Variants in PCDH9 observed in about 807,000 individuals in gnomAD.
The protein encoded by PCDH9 is protocadherin-9.
In PCDH9, 24 loss-of-function variants were observed where a neutral mutation model predicts 70.6. The ratio of observed to expected loss-of-function variants is 0.34; its 90% CI spans 0.25 to 0.48. PCDH9 has a LOEUF of 0.48. Among genes scored for constraint, PCDH9 ranks in the 20% least tolerant of loss-of-function variants. PCDH9 has a pLI of 0.99. For missense variants in PCDH9, 1,281 were observed against 1,503.6 expected (o/e 0.85, Z 2.45); for synonymous variants, 562 against 558.5 (o/e 1.01, Z -0.09).
intron 2 of PCDH9, among the ~76,000 whole-genome samples, chr13:67,063,741 G>A (rs1017259281): frequency 2.0e-5 from 3 of 152,090 alleles, no homozygotes; most frequent in Non-Finnish European, 4.4e-5. Context: ...TAATGACATA[G>A]AGCTAAGACA....
intron 3 of PCDH9, among the ~76,000 whole-genome samples, chr13:66,649,539 C>T (rs2077820723): frequency 6.6e-6 from 1 of 152,012 alleles, no homozygotes; most frequent in Admixed American, 6.6e-5. Context: ...CAACACCAGA[C>T]CTGCCCTAAA....
chr13:66,834,890 A>G (rs1164623752), intron 3 of PCDH9, among the ~76,000 whole-genome samples: 1 of 152,244 alleles, frequency 6.6e-6, no homozygotes, highest in Non-Finnish European at 1.5e-5. Flanking sequence ...TATGTTTAAG[A>G]GAATGCTCTC....
intron 4 of PCDH9, among the ~76,000 whole-genome samples, chr13:66,595,128 G>T (rs1478416919): frequency 6.6e-6 from 1 of 151,396 alleles, no homozygotes; most frequent in Non-Finnish European, 1.5e-5. Flanking sequence ...TCAGCTTAAT[G>T]GCTCAGGGAT....
At chr13:66,383,401 G>A (rs9529055) in intron 4 of PCDH9, among the ~76,000 whole-genome samples, 64,622 of 151,930 alleles carry the variant, frequency 0.43, 15,746 homozygotes, top group East Asian at 0.63. Flanking sequence ...GCTCAGAAAC[G>A]TATCTCCTCC....
intron 3 of PCDH9, among the ~76,000 whole-genome samples, chr13:66,765,010 CTG>C (rs1280124175): frequency 6.6e-6 from 1 of 151,644 alleles, no homozygotes; most frequent in Non-Finnish European, 1.5e-5. Flanking sequence ...GTCTCTCTCT[CTG>C]TCTCTTTCTC....
intron 4 of PCDH9, among the ~76,000 whole-genome samples, chr13:66,408,491 C>A (rs1957320294): frequency 6.6e-6 from 1 of 152,240 alleles, no homozygotes. Flanking sequence ...CACATGGATA[C>A]ATTTTGGCTT....
At chr13:67,130,115 A>G (rs1298636373) in intron 2 of PCDH9, among the ~76,000 whole-genome samples, 1 of 152,160 alleles carries the variant, frequency 6.6e-6, no homozygotes, top group East Asian at 1.9e-4. Context: ...AAAATTAAAT[A>G]TTAAAACCTT....
intron 4 of PCDH9, among the ~76,000 whole-genome samples, chr13:66,512,957 T>G (rs1407768687): frequency 6.6e-6 from 1 of 151,944 alleles, no homozygotes; most frequent in Non-Finnish European, 1.5e-5. Flanking sequence ...GCCTCCCACA[T>G]AGCTGGGACT....
intron 2 of PCDH9, among the ~76,000 whole-genome samples, chr13:67,192,393 A>C (rs1339996411): frequency 6.6e-6 from 1 of 152,140 alleles, no homozygotes; most frequent in Non-Finnish European, 1.5e-5. Flanking sequence ...CTCTCTTCTA[A>C]AGGTTTCTCT....
At chr13:67,033,903 G>A (rs947119282) in intron 2 of PCDH9, among the ~76,000 whole-genome samples, 15 of 152,212 alleles carry the variant, frequency 9.9e-5, no homozygotes, top group African/African-American at 3.6e-4. Context: ...CAGTGAGGAT[G>A]AGGAAGAGAT....
chr13:66,882,180 T>C (rs776693070), intron 3 of PCDH9, among the ~76,000 whole-genome samples: 16 of 152,348 alleles, frequency 1.1e-4, no homozygotes, highest in African/African-American at 3.8e-4. Context: ...TTATCTCATG[T>C]GCCATGGAGA....
At chr13:66,449,128 C>T (rs1253714091) in intron 4 of PCDH9, among the ~76,000 whole-genome samples, 1 of 152,106 alleles carries the variant, frequency 6.6e-6, no homozygotes, top group African/African-American at 2.4e-5. Context: ...AAAACACTGA[C>T]TGGAACCAAA....
chr13:67,164,201 A>C (rs945261029), intron 2 of PCDH9, among the ~76,000 whole-genome samples: 2 of 152,220 alleles, frequency 1.3e-5, no homozygotes, highest in Non-Finnish European at 2.9e-5. Flanking sequence ...TCTTAAAATA[A>C]CACAAATATA....
chr13:67,159,061 G>T (rs886476051), intron 2 of PCDH9, among the ~76,000 whole-genome samples: 14 of 152,150 alleles, frequency 9.2e-5, no homozygotes, highest in African/African-American at 3.4e-4. Flanking sequence ...CATAAAAGGA[G>T]ATGCTATTAT....
At chr13:66,895,591 A>C (rs529684204) in intron 3 of PCDH9, among the ~76,000 whole-genome samples, 18 of 152,214 alleles carry the variant, frequency 1.2e-4, no homozygotes, top group Non-Finnish European at 2.2e-4. Flanking sequence ...TGAAAACTCC[A>C]CACACCTACA....
intron 2 of PCDH9, among the ~76,000 whole-genome samples, chr13:67,039,886 C>T (rs1390268318): frequency 6.6e-6 from 1 of 151,984 alleles, no homozygotes; most frequent in Non-Finnish European, 1.5e-5. Flanking sequence ...AGACTAAGAA[C>T]TTCATTTGTG....
intron 2 of PCDH9, among the ~76,000 whole-genome samples, chr13:67,040,263 T>C (rs191555744): frequency 1.1e-4 from 16 of 152,214 alleles, no homozygotes; most frequent in African/African-American, 3.8e-4. Flanking sequence ...CTTTGGGAGA[T>C]GATTTATTCT....
intron 3 of PCDH9, among the ~76,000 whole-genome samples, chr13:66,869,869 G>A (rs1241466413): frequency 2.6e-5 from 4 of 152,114 alleles, no homozygotes; most frequent in Non-Finnish European, 5.9e-5. Context: ...AATATTTTGG[G>A]ATGGAAGGAA....
At position 66,627,683 on chromosome 13, in the gene PCDH9, G is replaced by A. The variant is rs145008318; in HGVS notation, c.3340+3527C>T. Among the ~76,000 whole-genome samples the A allele has an allele frequency of 8.7e-3, 1,328 of 152,242 alleles. 24 individuals are homozygous for A. The highest frequency in any genetic ancestry group is 0.03 in the African/African-American group (1,241 of 41,550). On this transcript the variant is annotated intron_variant, in intron 4 of 4. Transcript: ENST00000377865. ...GCCCTGCTCTCTCCAGTTTAAAGACGTTTTAGTGATCATTATTCTTGTGAG... is the reference window on the plus strand; with the variant it reads ...GCCCTGCTCTCTCCAGTTTAAAGACATTTTAGTGATCATTATTCTTGTGAG...
Sources: gnomAD v4.1 joint callset for allele counts (sites outside exome capture counted in the v4.1 genomes callset) on GRCh38, gnomAD v4.1.1 for gene constraint, MANE v1.5 for transcripts, NCBI Gene and HGNC (gene_info 2026-07-23, HGNC 2026-07-21) for gene names.